Variants in OSBPL1A observed in about 807,000 individuals in gnomAD.
The protein encoded by OSBPL1A is oxysterol binding protein like 1A.
A neutral mutation model predicts 137.1 loss-of-function variants in OSBPL1A; 80 were observed. That is an observed-to-expected ratio of 0.58 (90% CI 0.49 to 0.70). The LOEUF is 0.70. Among genes scored for constraint, OSBPL1A ranks in the 30% least tolerant of loss-of-function variants. OSBPL1A has a pLI of 0.00. For missense variants in OSBPL1A, 970 were observed against 1,129.4 expected (o/e 0.86, Z 2.02); for synonymous variants, 365 against 389.7 (o/e 0.94, Z 0.75).
chr18:24,165,356 G>A (rs1042442567), intron 26 of OSBPL1A, among the ~76,000 whole-genome samples: 49 of 152,174 alleles, frequency 3.2e-4, no homozygotes, highest in Non-Finnish European at 1.5e-4. Context: ...TATCACAGAC[G>A]CAGCATCTCT....
intron 6 of OSBPL1A, among the ~76,000 whole-genome samples, chr18:24,333,844 T>C (rs1240148488): frequency 6.6e-6 from 1 of 152,194 alleles, no homozygotes; most frequent in East Asian, 1.9e-4. Flanking sequence ...TCCCAGAAAC[T>C]ACTGCTGATC....
At chr18:24,281,818 G>A (rs1006549915) in intron 14 of OSBPL1A, among the ~76,000 whole-genome samples, 12 of 152,146 alleles carry the variant, frequency 7.9e-5, no homozygotes, top group Non-Finnish European at 1.3e-4. Context: ...CCCCAGACCC[G>A]GGCTGCAGAC....
chr18:24,196,030 G>T, intron 18 of OSBPL1A, 95 bp downstream of exon 18: 2 of 952,550 alleles, frequency 2.1e-6, no homozygotes, highest in Non-Finnish European at 1.6e-6. Context: ...AAACGTTGTC[G>T]TGCACCACTT....
intron 16 of OSBPL1A, among the ~76,000 whole-genome samples, chr18:24,227,509 G>T (rs905368871): frequency 1.3e-5 from 2 of 152,324 alleles, no homozygotes; most frequent in Middle Eastern, 3.4e-3. Context: ...CAGGTAAACA[G>T]ATGTCTGAAA....
At chr18:24,260,380 T>C (rs2089414462) in intron 15 of OSBPL1A, among the ~76,000 whole-genome samples, 1 of 152,322 alleles carries the variant, frequency 6.6e-6, no homozygotes, top group East Asian at 1.9e-4. Context: ...GCATTACTAT[T>C]TGCAACAGCC....
intron 15 of OSBPL1A, among the ~76,000 whole-genome samples, chr18:24,256,429 T>G (rs571503322): frequency 9.2e-5 from 14 of 151,894 alleles, no homozygotes; most frequent in African/African-American, 3.4e-4. Context: ...CATCCCTTTA[T>G]GACAAAAACC....
intron 2 of OSBPL1A, among the ~76,000 whole-genome samples, chr18:24,372,712 G>A (rs1905757019): frequency 6.6e-6 from 1 of 152,006 alleles, no homozygotes; most frequent in Non-Finnish European, 1.5e-5. Flanking sequence ...GACAGCTTGT[G>A]ACCTGGTGTC....
At chr18:24,185,338 T>C (rs935563663) in intron 18 of OSBPL1A, among the ~76,000 whole-genome samples, 4 of 125,192 alleles carry the variant, frequency 3.2e-5, no homozygotes, top group African/African-American at 1.9e-4. Flanking sequence ...CTTTTTTTTT[T>C]TTTTTTTGAG....
chr18:24,181,131 C>T lies in OSBPL1A; in HGVS notation c.1812+14G>A. On this transcript the variant is annotated intron_variant, in intron 19 of 27. Coordinates refer to ENST00000319481, the MANE Select transcript of OSBPL1A (RefSeq NM_080597.4). ...GTCTCTAAGAGTTAGACCTTTTCCT[C>T]CCTTGGCTCATACCTGCATCCTTTC... 6.2e-7 allele frequency: 1 copy of T among 1,612,438 alleles called. No individual in the cohort carries two copies. Among genetic ancestry groups the T allele is most frequent in the Non-Finnish European group, 8.5e-7 (1 of 1,179,338 alleles).
At chr18:24,213,560 T>C (rs1187734272) in intron 17 of OSBPL1A, among the ~76,000 whole-genome samples, 1 of 152,184 alleles carries the variant, frequency 6.6e-6, no homozygotes, top group Non-Finnish European at 1.5e-5. Context: ...AGAGTAGGAC[T>C]GTCTCAAAAT....
chr18:24,233,926 T>C (rs1433283814), intron 16 of OSBPL1A, among the ~76,000 whole-genome samples: 1 of 152,182 alleles, frequency 6.6e-6, no homozygotes, highest in Non-Finnish European at 1.5e-5. Context: ...GTGCTGGAAT[T>C]ACAGGTGTGA....
chr18:24,368,243 A>G, intron 3 of OSBPL1A, 44 bp downstream of exon 3: 2 of 1,434,474 alleles, frequency 1.4e-6, no homozygotes, highest in Non-Finnish European at 1.9e-6. Flanking sequence ...TTCCATAACA[A>G]TAATATTTAC....
At chr18:24,288,588 T>A (rs960887336) in intron 14 of OSBPL1A, among the ~76,000 whole-genome samples, 1 of 151,744 alleles carries the variant, frequency 6.6e-6, no homozygotes, top group South Asian at 2.1e-4. Flanking sequence ...GCCAACATGG[T>A]GAAACCCTGT....
At chr18:24,200,518 C>T (rs1435093955) in intron 17 of OSBPL1A, among the ~76,000 whole-genome samples, 5 of 147,708 alleles carry the variant, frequency 3.4e-5, no homozygotes, top group Non-Finnish European at 3.0e-5. Context: ...GCTGAGATTG[C>T]GTCACTGCAC....
chr18:24,246,792 CAAAA>C (rs56268385), intron 15 of OSBPL1A, among the ~76,000 whole-genome samples: 36 of 85,062 alleles, frequency 4.2e-4, no homozygotes, highest in African/African-American at 8.6e-4. Flanking sequence ...CTCTGTCTCC[CAAAA>C]AAAAAAAAAA....
At chr18:24,239,166 T>C in intron 16 of OSBPL1A, 54 bp downstream of exon 16, 1 of 1,588,354 alleles carries the variant, frequency 6.3e-7, no homozygotes, top group African/African-American at 1.3e-5. Context: ...ATTGCTCATT[T>C]AGGTGGTGGA....
intron 15 of OSBPL1A, among the ~76,000 whole-genome samples, chr18:24,268,147 ACT>A (rs1220006914): frequency 1.3e-5 from 2 of 151,778 alleles, no homozygotes; most frequent in African/African-American, 4.8e-5. Flanking sequence ...ACAGGGTCTC[ACT>A]CTGTCACCCA....
chr18:24,181,315 T>C (rs759239733), intron 18 of OSBPL1A, 36 bp from the exon 19 acceptor site: 8 of 1,600,206 alleles, frequency 5.0e-6, no homozygotes, highest in South Asian at 4.5e-5. Context: ...TTATGTCCCA[T>C]ATACATAACA....
In OSBPL1A at chr18:24,397,814, G is replaced by A. The variant is rs901969457; in HGVS notation, c.-162C>T. ...GTAACGTCTGTCTCCGGGACCCGGC[G>A]CCGGGACCACGGCGGAGCGCGAGGT... On this transcript the variant is annotated 5_prime_UTR_variant, in exon 1 of 28. Transcript: ENST00000319481. 1.3e-5 allele frequency: 2 copies of A among 152,380 alleles called. No individual in the cohort carries two copies. The highest frequency in any genetic ancestry group is 3.9e-4 in the East Asian group (2 of 5,178). 9.4% of individuals were successfully genotyped at this position (152,380 alleles called of 1,614,324 possible).
Sources: gnomAD v4.1 joint callset for allele counts (sites outside exome capture counted in the v4.1 genomes callset) on GRCh38, gnomAD v4.1.1 for gene constraint, MANE v1.5 for transcripts, NCBI Gene and HGNC (gene_info 2026-07-23, HGNC 2026-07-21) for gene names.